PTPN13: variants seen among roughly 807,000 people sequenced by gnomAD.
PTPN13 encodes the protein tyrosine-protein phosphatase non-receptor type 13.
A neutral mutation model predicts 284.0 loss-of-function variants in PTPN13; 191 were observed. That is an observed-to-expected ratio of 0.67 (90% CI 0.60 to 0.76). The LOEUF (loss-of-function observed/expected upper bound fraction) is 0.76. PTPN13 is among the 30% of genes least tolerant of loss of function. PTPN13 has a pLI of 0.00. For missense variants in PTPN13, 2,797 were observed against 2,939.9 expected (o/e 0.95, Z 1.12); for synonymous variants, 986 against 1,022.3 (o/e 0.96, Z 0.68).
intron 2 of PTPN13, among the ~76,000 whole-genome samples, chr4:86,660,199 G>A (rs1019944098): frequency 1.3e-5 from 2 of 152,108 alleles, no homozygotes; most frequent in Admixed American, 6.5e-5. Flanking sequence ...CAGTCTAAGG[G>A]TCGATCTGTT....
Position 86,750,764 on chromosome 4 carries a change from G to C in PTPN13, c.2945G>C (p.Arg982Pro), listed in dbSNP as rs545870212. 3.1e-6 allele frequency: 5 copies of C among 1,613,408 alleles called. No homozygotes were observed. The highest frequency in any genetic ancestry group is 4.2e-6 in the Non-Finnish European group (5 of 1,179,636). Residue 982 changes from arginine (R) to proline (P), a missense_variant, in exon 18 of 48, where the codon CGG (arginine) becomes CCG (proline). Arg to Pro is a moderately radical substitution (Grantham distance 103). Coordinates refer to ENST00000411767, the MANE Select transcript of PTPN13 (RefSeq NM_080683.3). ...AGTCAGGCCTCTCTCTATCCACATC[G>C]GAAAAATGTCATTGTTAACATGGAA... ...DLSQASLYPH[R>P]KNVIVNMEPP...
intron 1 of PTPN13, among the ~76,000 whole-genome samples, chr4:86,611,553 T>G: frequency 6.6e-6 from 1 of 152,152 alleles, no homozygotes; most frequent in Non-Finnish European, 1.5e-5. Context: ...ACAAAATATG[T>G]GAAACAACAA....
At chr4:86,603,254 C>G (rs112258717) in intron 1 of PTPN13, among the ~76,000 whole-genome samples, 7,058 of 151,818 alleles carry the variant, frequency 0.046, 220 homozygotes, top group African/African-American at 0.061. Flanking sequence ...AAGAAGATTC[C>G]AAAAATATTT....
Position 86,762,798 on chromosome 4 carries a change from A to G in PTPN13, c.3625A>G (p.Ser1209Gly). 6.2e-7 allele frequency: 1 copy of G among 1,613,350 alleles called. No individual in the cohort carries two copies. The highest frequency in any genetic ancestry group is 8.5e-7 in the Non-Finnish European group (1 of 1,179,352). Residue 1209 changes from serine to glycine, a missense_variant, in exon 24 of 48, where the codon AGT (serine) becomes GGT (glycine). Physicochemically the swap from Ser to Gly is moderately conservative, Grantham distance 56 (BLOSUM62 0). Transcript: ENST00000411767. Reference protein sequence around the residue: ...YMKKSSYMQDSAIDSSSKDHH... With the variant: ...YMKKSSYMQDGAIDSSSKDHH... ...GAAGAAATCTTCCTACATGCAAGACAGTGCTATAGATTCTTCTTCCAAGGA... is the reference window on the plus strand; with the variant it reads ...GAAGAAATCTTCCTACATGCAAGACGGTGCTATAGATTCTTCTTCCAAGGA...
chr4:86,661,254 T>A (rs1327575913), intron 2 of PTPN13: 1 of 247,542 alleles, frequency 4.0e-6, no homozygotes, highest in Middle Eastern at 4.4e-4. Flanking sequence ...AACTCTTGGG[T>A]GTCTGACTTC....
intron 7 of PTPN13, among the ~76,000 whole-genome samples, chr4:86,712,185 A>C (rs911682464): frequency 6.6e-6 from 1 of 152,050 alleles, no homozygotes. Context: ...TACACTCAAA[A>C]ATAGAAAACA....
intron 9 of PTPN13, among the ~76,000 whole-genome samples, chr4:86,721,709 CT>C (rs1317857680): frequency 2.3e-5 from 2 of 87,864 alleles, no homozygotes; most frequent in African/African-American, 3.4e-5. Context: ...CTCCCTCCCC[CT>C]CTCCCTCCCC....
intron 1 of PTPN13, among the ~76,000 whole-genome samples, chr4:86,597,961 T>C (rs1216002249): frequency 1.3e-5 from 2 of 152,218 alleles, no homozygotes; most frequent in South Asian, 4.1e-4. Context: ...TTGTTTTGTT[T>C]TGATTTGTTT....
intron 1 of PTPN13, among the ~76,000 whole-genome samples, chr4:86,603,804 G>A (rs1433449112): frequency 6.6e-6 from 1 of 152,012 alleles, no homozygotes; most frequent in African/African-American, 2.4e-5. Context: ...CTCAGATGAT[G>A]CTAATAAAGT....
In PTPN13 at chr4:86,762,984, G is replaced by T; in HGVS notation, c.3811G>T (p.Asp1271Tyr). ...VNGFFASHLG[D>Y]QTWQESQHGS... ...TGGTTTCTTTGCCAGCCATTTAGGTGACCAAACCTGGCAGGAATCACAGCA... is the reference window on the plus strand; with the variant it reads ...TGGTTTCTTTGCCAGCCATTTAGGTTACCAAACCTGGCAGGAATCACAGCA... Residue 1271 changes from aspartate (D) to tyrosine (Y), a missense_variant, in exon 24 of 48, where the codon GAC becomes TAC. Transcript: ENST00000411767. 6.2e-7 allele frequency: 1 copy of T among 1,613,768 alleles called. No individual in the cohort carries two copies. The highest frequency in any genetic ancestry group is 1.1e-5 in the South Asian group (1 of 91,054).
Position 86,780,425 on chromosome 4 carries a change from G to A in PTPN13, c.5915G>A (p.Ser1972Asn), listed in dbSNP as rs1481346915. The A allele has an allele frequency of 6.2e-7, 1 of 1,611,298 alleles. No homozygotes were observed. The highest frequency in any genetic ancestry group is 8.5e-7 in the Non-Finnish European group (1 of 1,178,640). Residue 1972 changes from serine to asparagine, a missense_variant, in exon 36 of 48, where the codon AGC becomes AAC. Physicochemically the swap from Ser to Asn is conservative, Grantham distance 46 (BLOSUM62 1). Coordinates refer to ENST00000411767, the MANE Select transcript of PTPN13 (RefSeq NM_080683.3). ...AGAAATGATCTTCCAGTGGTCCCCAGCTCAAAGAGGTCTGCTGTTTCAGCT... is the reference window on the plus strand; with the variant it reads ...AGAAATGATCTTCCAGTGGTCCCCAACTCAAAGAGGTCTGCTGTTTCAGCT... ...ATRNDLPVVPSSKRSAVSAPK... is the reference protein window; with the variant it reads ...ATRNDLPVVPNSKRSAVSAPK...
rs1735348863 is a variant in PTPN13 at position 86,735,038 on chromosome 4, A to G, written c.2151+163A>G. 2.0e-5 allele frequency among the ~76,000 whole-genome samples: 3 copies of G among 152,056 alleles called. No individual in the cohort carries two copies. In the South Asian group the frequency reaches 6.2e-4, roughly 31 times the overall value. ...CAAGCACTCCATGTATATCAATTAT[A>G]TAAAATCATGAAGTGTGGGATTTTT... On this transcript the variant is annotated intron_variant, in intron 14 of 47. Coordinates refer to ENST00000411767, the MANE Select transcript of PTPN13 (RefSeq NM_080683.3).
intron 21 of PTPN13, 80 bp from the exon 22 acceptor site, chr4:86,758,598 T>C: frequency 8.2e-7 from 1 of 1,225,434 alleles, no homozygotes; most frequent in South Asian, 1.3e-5. Flanking sequence ...AGTCCCCACA[T>C]TTCTGTGTTT....
At chr4:86,745,183 C>T in intron 17 of PTPN13, 55 bp downstream of exon 17, 1 of 1,516,208 alleles carries the variant, frequency 6.6e-7, no homozygotes, top group Non-Finnish European at 8.9e-7. Context: ...TAATTTTTGC[C>T]ACCAAGTTTT....
In PTPN13 at chr4:86,635,379, G is replaced by T; in HGVS notation, c.115+8G>T. On this transcript the variant is annotated splice_region_variant and intron_variant, in intron 2 of 47. Coordinates refer to ENST00000411767, the MANE Select transcript of PTPN13 (RefSeq NM_080683.3). ...AAGAATTATTCAGAAAAGGTAAGCT[G>T]CTGCTGCTGCTGCTGTTGTTGTTGT... 1 of 1,574,788 alleles carries T rather than the reference G, an allele frequency of 6.4e-7. No homozygotes were observed. Among genetic ancestry groups the T allele is most frequent in the East Asian group, 2.3e-5 (1 of 43,014 alleles).
chr4:86,775,797 C>A, intron 35 of PTPN13, 145 bp downstream of exon 35: 1 of 665,346 alleles, frequency 1.5e-6, no homozygotes, highest in Non-Finnish European at 2.5e-6. Flanking sequence ...AAACAGACTT[C>A]TTGATAGGCG....
intron 36 of PTPN13, 121 bp from the exon 37 acceptor site, chr4:86,782,077 AATT>A (rs1741379426): frequency 1.6e-6 from 1 of 614,324 alleles, no homozygotes; most frequent in Non-Finnish European, 2.9e-6. Flanking sequence ...TTGTAATATG[AATT>A]ATTTTTGTGT....
intron 1 of PTPN13, among the ~76,000 whole-genome samples, chr4:86,630,975 A>G (rs1407945154): frequency 6.6e-6 from 1 of 152,202 alleles, no homozygotes; most frequent in Admixed American, 6.5e-5. Context: ...AACCAAAAAC[A>G]TAATAATGAT....
At chr4:86,697,101 A>G (rs1730666133) in intron 6 of PTPN13, among the ~76,000 whole-genome samples, 1 of 152,128 alleles carries the variant, frequency 6.6e-6, no homozygotes, top group Non-Finnish European at 1.5e-5. Flanking sequence ...GATTGAAAAA[A>G]AAATTATCTC....
Sources: allele counts gnomAD v4.1 joint callset (sites outside exome capture counted in the v4.1 genomes callset), GRCh38; gene constraint gnomAD v4.1.1; transcripts MANE v1.5; gene names NCBI Gene and HGNC (gene_info 2026-07-23, HGNC 2026-07-21).